The following STS variants were observed in gnomAD, a reference collection of about 807,000 sequenced individuals.
The protein encoded by STS is steroid sulfatase.
STS carries 7 observed loss-of-function variants against 26.8 expected under a neutral mutation model. The observed-to-expected ratio is 0.26, with a 90% CI of 0.15 to 0.49. The LOEUF is 0.49. Ranked by LOEUF, STS falls within the 20% of genes least tolerant of loss-of-function variation. STS has a pLI of 0.98. For synonymous variants in STS, 199 were observed against 189.4 expected (o/e 1.05, Z -0.42); for missense variants, 434 against 465.6 (o/e 0.93, Z 0.63).
chrX:7,331,554 A>G (rs1459199027), intron 9 of STS, among the ~76,000 whole-genome samples: 1 of 111,747 alleles, frequency 8.9e-6, no homozygotes, highest in Non-Finnish European at 1.9e-5. Context: ...CAATGCTTTG[A>G]GTCACTTTGA....
At chrX:7,317,829 C>T (rs1926787035) in intron 8 of STS, among the ~76,000 whole-genome samples, 1 of 111,257 alleles carries the variant, frequency 9.0e-6, no homozygotes, top group African/African-American at 3.3e-5. Flanking sequence ...GGTCCCTCTT[C>T]ACTGTGTTCT....
At chrX:7,308,757 T>C (rs1193286361) in intron 8 of STS, among the ~76,000 whole-genome samples, 1 of 112,232 alleles carries the variant, frequency 8.9e-6, no homozygotes, top group African/African-American at 3.2e-5. Context: ...GAAATCAAGT[T>C]CACAGTGAAA....
At chrX:7,247,929 G>C (rs919330660) in intron 2 of STS, among the ~76,000 whole-genome samples, 1 of 111,961 alleles carries the variant, frequency 8.9e-6, no homozygotes, top group Admixed American at 9.5e-5. Flanking sequence ...ATTTGCATTT[G>C]TGTGTACTCC....
chrX:7,345,733 C>T (rs1928494620), intron 10 of STS, among the ~76,000 whole-genome samples: 1 of 111,666 alleles, frequency 9.0e-6, no homozygotes, highest in East Asian at 2.8e-4. Flanking sequence ...CTTCACCACT[C>T]GGTCAGTGCC....
chrX:7,320,117 ATTATT>A (rs1235740412), intron 8 of STS, among the ~76,000 whole-genome samples: 17 of 95,281 alleles, frequency 1.8e-4, no homozygotes, highest in South Asian at 4.3e-4. Context: ...TTATATAAGT[ATTATT>A]TTATATATAT....
chrX:7,254,405 C>T (rs1923296988), intron 3 of STS, among the ~76,000 whole-genome samples: 2 of 110,530 alleles, frequency 1.8e-5, no homozygotes, highest in Admixed American at 1.9e-4. Context: ...GAGTAGAATA[C>T]TGACATTAAA....
At chrX:7,308,515 A>C (rs1465102937) in intron 8 of STS, among the ~76,000 whole-genome samples, 1 of 111,626 alleles carries the variant, frequency 9.0e-6, no homozygotes, top group Non-Finnish European at 1.9e-5. Context: ...AGAGGTATAG[A>C]TCAGAAAGGG....
At position 7,320,024 on chromosome X, in the gene STS, TTATATATATATTTATATATTA is replaced by T. The variant is rs1157463969; in HGVS notation, c.1082-5307_1082-5287del. On this transcript the variant is annotated intron_variant, in intron 8 of 10. Coordinates refer to ENST00000674429, the MANE Select transcript of STS (RefSeq NM_001320752.2). ...TTTTTATATATATATTTATATATATTTATATATATATTTATATATTATATATATTTATATATATATTTTATA... is the reference window on the plus strand; with the variant it reads ...TTTTTATATATATATTTATATATATTTATATATTTATATATATATTTTATA... Among the ~76,000 whole-genome samples, 297 of 94,461 alleles carry T rather than the reference TTATATATATATTTATATATTA, an allele frequency of 3.1e-3. 1 individual carries two copies. Among genetic ancestry groups the T allele is most frequent in the African/African-American group, 0.011 (292 of 25,683 alleles). The allele number at this position is 94,461 out of a possible 115,157, so 82.0% of individuals were successfully genotyped here.
intron 1 of STS, among the ~76,000 whole-genome samples, chrX:7,158,115 C>T (rs769032326): frequency 1.2e-4 from 13 of 111,331 alleles, no homozygotes; most frequent in Middle Eastern, 9.2e-3. Flanking sequence ...TGGCATGCAT[C>T]TCTCTTAGCC....
intron 7 of STS, among the ~76,000 whole-genome samples, chrX:7,302,664 G>A (rs1926022427): frequency 1.8e-5 from 2 of 111,606 alleles, no homozygotes; most frequent in South Asian, 7.4e-4. Flanking sequence ...CAAATGACTT[G>A]GTTGTTGCTT....
chrX:7,186,691 C>T (rs1933778837), intron 1 of STS, among the ~76,000 whole-genome samples: 1 of 112,197 alleles, frequency 8.9e-6, no homozygotes, highest in African/African-American at 3.2e-5. Context: ...TAGAGTTTCT[C>T]TAGGATTATA....
chrX:7,324,746 G>C (rs1204548484), intron 8 of STS, among the ~76,000 whole-genome samples: 3 of 111,482 alleles, frequency 2.7e-5, no homozygotes, highest in African/African-American at 6.5e-5. Context: ...TAAACCTTTA[G>C]AATGCCCTTT....
At chrX:7,290,731 C>T (rs902123684) in intron 7 of STS, among the ~76,000 whole-genome samples, 1 of 112,144 alleles carries the variant, frequency 8.9e-6, no homozygotes, top group African/African-American at 3.2e-5. Context: ...CACTGACCAA[C>T]CTCTGGCGGT....
chrX:7,335,821 C>G (rs778844038), intron 10 of STS, among the ~76,000 whole-genome samples: 1 of 111,671 alleles, frequency 9.0e-6, no homozygotes, highest in Non-Finnish European at 1.9e-5. Flanking sequence ...TCAGCTTTCT[C>G]CATATGGCTA....
intron 10 of STS, among the ~76,000 whole-genome samples, chrX:7,340,195 C>T (rs1928219241): frequency 1.8e-5 from 2 of 110,815 alleles, no homozygotes; most frequent in Non-Finnish European, 1.9e-5. Context: ...CATTCTCCGT[C>T]CTACCGTTTC....
At chrX:7,321,123 C>CT (rs1366986788) in intron 8 of STS, among the ~76,000 whole-genome samples, 27 of 111,805 alleles carry the variant, frequency 2.4e-4, no homozygotes, top group Non-Finnish European at 2.6e-4. Flanking sequence ...TCCTTTGCAG[C>CT]AACATAGATG....
intron 7 of STS, among the ~76,000 whole-genome samples, chrX:7,289,829 G>A (rs1329505070): frequency 9.0e-6 from 1 of 111,282 alleles, no homozygotes; most frequent in Non-Finnish European, 1.9e-5. Flanking sequence ...ATGTGTGTAT[G>A]TATTTTGTAG....
chrX:7,215,002 A>G (rs1000646000), intron 2 of STS, among the ~76,000 whole-genome samples: 21 of 44,158 alleles, frequency 4.8e-4, no homozygotes, highest in East Asian at 3.0e-3. Context: ...GTATATATAC[A>G]TATATACGTA....
intron 7 of STS, among the ~76,000 whole-genome samples, chrX:7,295,135 A>G (rs1444173511): frequency 8.9e-6 from 1 of 111,733 alleles, no homozygotes; most frequent in East Asian, 2.8e-4. Context: ...CATGAGTTTG[A>G]GTTAAAGCTG....
Sources: allele counts gnomAD v4.1 joint callset (sites outside exome capture counted in the v4.1 genomes callset), GRCh38; gene constraint gnomAD v4.1.1; transcripts MANE v1.5; gene names NCBI Gene and HGNC (gene_info 2026-07-23, HGNC 2026-07-21).